The following PDE3B variants were observed in gnomAD, a reference collection of about 807,000 sequenced individuals.
PDE3B encodes the protein phosphodiesterase 3B, also known as cGMP-inhibited 3',5'-cyclic phosphodiesterase 3B.
In PDE3B, 66 loss-of-function variants were observed where a neutral mutation model predicts 116.8. The observed-to-expected ratio is 0.56, with a 90% confidence interval of 0.46 to 0.69. The LOEUF (loss-of-function observed/expected upper bound fraction) is 0.69. PDE3B is among the 30% of genes least tolerant of loss of function. PDE3B has a pLI of 0.00. For synonymous variants in PDE3B, 595 were observed against 533.6 expected (o/e 1.12, Z -1.59); for missense variants, 1,384 against 1,368.1 (o/e 1.01, Z -0.18).
At chr11:14,645,940 A>G (rs771346519) in intron 1 of PDE3B, among the ~76,000 whole-genome samples, 6 of 152,196 alleles carry the variant, frequency 3.9e-5, no homozygotes, top group Non-Finnish European at 7.3e-5. Flanking sequence ...TCAGATCCTC[A>G]CAAGAACGGT....
At chr11:14,805,086 A>G (rs1165107829) in intron 5 of PDE3B, among the ~76,000 whole-genome samples, 1 of 152,202 alleles carries the variant, frequency 6.6e-6, no homozygotes, top group Non-Finnish European at 1.5e-5. Flanking sequence ...GGAGAGAAAC[A>G]AAAGGACAGA....
chr11:14,697,593 A>C (rs968984721), intron 1 of PDE3B, among the ~76,000 whole-genome samples: 2 of 152,002 alleles, frequency 1.3e-5, no homozygotes, highest in Non-Finnish European at 2.9e-5. Flanking sequence ...AATTTTTAGG[A>C]TCCTTAGGTC....
At chr11:14,843,104 T>C (rs1847509502) in intron 11 of PDE3B, among the ~76,000 whole-genome samples, 4 of 152,188 alleles carry the variant, frequency 2.6e-5, no homozygotes. Context: ...AGAATGATCA[T>C]CTAGATAGAT....
chr11:14,644,566 G>C lies in PDE3B; in HGVS notation c.491G>C (p.Gly164Ala). 6.3e-7 allele frequency: 1 copy of C among 1,592,890 alleles called. No individual in the cohort carries two copies. The highest frequency in any genetic ancestry group is 8.5e-7 in the Non-Finnish European group (1 of 1,169,892). Residue 164 changes from glycine to alanine, a missense_variant, in exon 1 of 16, where the codon GGG (glycine) becomes GCG (alanine). Gly to Ala is a moderately conservative substitution (Grantham distance 60). Coordinates refer to ENST00000282096, the MANE Select transcript of PDE3B (RefSeq NM_000922.4). The part of the protein sequence containing the change: ...LLALPACCYL[G>A]DFLVWQWWSW... ...GCGCTGCCCGCCTGCTGTTACCTGGGGGACTTCTTGGTGTGGCAGTGGTGG... is the reference window on the plus strand; with the variant it reads ...GCGCTGCCCGCCTGCTGTTACCTGGCGGACTTCTTGGTGTGGCAGTGGTGG...
intron 1 of PDE3B, among the ~76,000 whole-genome samples, chr11:14,676,727 A>T (rs1167714860): frequency 1.3e-5 from 2 of 152,112 alleles, no homozygotes; most frequent in East Asian, 3.9e-4. Flanking sequence ...TATATTATGG[A>T]TGTGAGTCCT....
chr11:14,698,324 T>G (rs1301599208), intron 1 of PDE3B, among the ~76,000 whole-genome samples: 2 of 151,950 alleles, frequency 1.3e-5, no homozygotes, highest in Non-Finnish European at 2.9e-5. Flanking sequence ...CTGCTTAATT[T>G]TGTTAATGTA....
At chr11:14,858,690 CAGA>C (rs1222494876) in intron 12 of PDE3B, among the ~76,000 whole-genome samples, 5 of 152,166 alleles carry the variant, frequency 3.3e-5, no homozygotes, top group African/African-American at 1.2e-4. Context: ...ACTTTATTCA[CAGA>C]AGTTTATCTG....
In PDE3B at chr11:14,819,229, A is replaced by G. The variant is rs200192514; in HGVS notation, c.1807+20A>G. The G allele has an allele frequency of 2.8e-4, 410 of 1,478,002 alleles. 2 individuals are homozygous for G. The Middle Eastern group carries it at 4.4e-3, about 16-fold the overall frequency. 91.6% of individuals were successfully genotyped at this position (1,478,002 alleles called of 1,614,324 possible). A position where few individuals can be genotyped will look rare whatever the true frequency, so the allele number is the denominator to read the frequency against. On this transcript the variant is annotated intron_variant, in intron 7 of 15. Coordinates refer to ENST00000282096, the MANE Select transcript of PDE3B (RefSeq NM_000922.4). Reference sequence around the variant, plus strand: ...AATCAGGTGAGATTACAAAAGTCATATGTATTTGAGTTTAAGAGAAATTTC... The same window carrying G: ...AATCAGGTGAGATTACAAAAGTCATGTGTATTTGAGTTTAAGAGAAATTTC...
rs148186283 is a variant in PDE3B, at chr11:14,737,491, T to C, written c.979-34446T>C. ...GGGATTACAGGCGTGAGCCACTGCATCCGGCCACAGGCTGCCTTCTTTAAT... is the reference window on the plus strand; with the variant it reads ...GGGATTACAGGCGTGAGCCACTGCACCCGGCCACAGGCTGCCTTCTTTAAT... On this transcript the variant is annotated intron_variant, in intron 1 of 15. Transcript: ENST00000282096. 4.5e-3 allele frequency among the ~76,000 whole-genome samples: 688 copies of C among 151,602 alleles called. 3 individuals carry two copies. The highest frequency in any genetic ancestry group is 0.015 in the African/African-American group (612 of 41,296).
chr11:14,878,356 T>C, the PDE3B span: 1 of 1,505,226 alleles, frequency 6.6e-7, no homozygotes, highest in South Asian at 1.2e-5. Flanking sequence ...CCAAAATTAA[T>C]GTCTAATATT....
the PDE3B span, among the ~76,000 whole-genome samples, chr11:14,883,263 A>C: frequency 6.6e-6 from 1 of 151,784 alleles, no homozygotes; most frequent in Non-Finnish European, 1.5e-5. Flanking sequence ...TGGAGGCATC[A>C]CGCTACCTGA....
chr11:14,770,203 G>T (rs1339445751), intron 1 of PDE3B, among the ~76,000 whole-genome samples: 2 of 151,308 alleles, frequency 1.3e-5, no homozygotes, highest in South Asian at 2.1e-4. Flanking sequence ...GATTTTTAGT[G>T]ATATATCGTA....
intron 4 of PDE3B, among the ~76,000 whole-genome samples, chr11:14,795,584 A>C (rs1350411735): frequency 6.6e-6 from 1 of 152,206 alleles, no homozygotes; most frequent in African/African-American, 2.4e-5. Flanking sequence ...AATGTATGAT[A>C]TACTGAAATT....
At chr11:14,725,796 G>A (rs892454141) in intron 1 of PDE3B, among the ~76,000 whole-genome samples, 2 of 151,246 alleles carry the variant, frequency 1.3e-5, no homozygotes, top group African/African-American at 4.9e-5. Flanking sequence ...AGTAACCTCT[G>A]TTCTGATCTC....
the PDE3B span, chr11:14,892,085 G>C: frequency 2.1e-5 from 34 of 1,611,932 alleles, no homozygotes; most frequent in Admixed American, 5.7e-4. Context: ...GGCGGCCCCG[G>C]GGGGAAGCCC....
At chr11:14,891,316 T>G in the PDE3B span, 1 of 985,336 alleles carries the variant, frequency 1.0e-6, no homozygotes, top group Non-Finnish European at 1.2e-6. Flanking sequence ...AAGGCGCCTT[T>G]TAAGTATCTG....
intron 1 of PDE3B, among the ~76,000 whole-genome samples, chr11:14,721,747 G>C (rs868622089): frequency 4.6e-5 from 1 of 21,694 alleles, no homozygotes; most frequent in African/African-American, 1.8e-4. Flanking sequence ...TCACAGGAAG[G>C]GGAATATCAC....
intron 2 of PDE3B, among the ~76,000 whole-genome samples, chr11:14,782,197 T>C (rs1208353455): frequency 6.6e-6 from 1 of 152,172 alleles, no homozygotes; most frequent in Non-Finnish European, 1.5e-5. Context: ...AAGTCATTTA[T>C]AGATTCAATG....
intron 1 of PDE3B, among the ~76,000 whole-genome samples, chr11:14,701,552 A>AT: frequency 6.6e-6 from 1 of 151,614 alleles, no homozygotes; most frequent in African/African-American, 2.4e-5. Context: ...ATTACTCCTA[A>AT]TTTTTTCCCC....
Sources: allele counts gnomAD v4.1 joint callset (sites outside exome capture counted in the v4.1 genomes callset), GRCh38; gene constraint gnomAD v4.1.1; transcripts MANE v1.5; gene names NCBI Gene and HGNC (gene_info 2026-07-23, HGNC 2026-07-21).